The following LRRIQ1 variants were observed in gnomAD, a reference collection of about 807,000 sequenced individuals.
LRRIQ1 encodes the protein leucine rich repeats and IQ motif containing 1, also known as leucine-rich repeat- and IQ domain-containing protein 1.
A neutral mutation model predicts 211.9 loss-of-function variants in LRRIQ1; 210 were observed. The ratio of observed to expected loss-of-function variants is 0.99; its 90% CI spans 0.89 to 1.11. The LOEUF is 1.11. Among genes scored for constraint, LRRIQ1 ranks in the 50% most tolerant of loss-of-function variants. The pLI, the probability that LRRIQ1 is intolerant of heterozygous loss-of-function variation, is 0.00. For synonymous variants in LRRIQ1, 699 were observed against 650.1 expected (o/e 1.08, Z -1.14); for missense variants, 2,136 against 1,939.5 (o/e 1.10, Z -1.90).
chr12:85,070,633 A>T (rs1452754610), intron 10 of LRRIQ1, among the ~76,000 whole-genome samples: 2 of 151,844 alleles, frequency 1.3e-5, no homozygotes, highest in Admixed American at 1.3e-4. Flanking sequence ...CAATATTCTT[A>T]TGAAAATATA....
intron 26 of LRRIQ1, among the ~76,000 whole-genome samples, chr12:85,240,967 A>G (rs1417707105): frequency 6.6e-6 from 1 of 152,134 alleles, no homozygotes; most frequent in Non-Finnish European, 1.5e-5. Context: ...AATACAATAC[A>G]TAATCTATAC....
At chr12:85,199,471 G>GT (rs2137008722) in intron 24 of LRRIQ1, among the ~76,000 whole-genome samples, 1 of 152,178 alleles carries the variant, frequency 6.6e-6, no homozygotes, top group South Asian at 2.1e-4. Flanking sequence ...GTCTGTGTCT[G>GT]TTTTTGTACC....
Position 85,055,702 on chromosome 12 carries a change from T to C in LRRIQ1, c.909T>C (p.Tyr303=). The change falls in exon 8 of 27, where the codon TAT becomes TAC. Residue 303 remains tyrosine (Y), a synonymous_variant. Coordinates refer to ENST00000393217, the MANE Select transcript of LRRIQ1 (RefSeq NM_001079910.2). ...AAGCATTTGTTGCCTATCAAAAATA[T>C]GGCCCAATTATTAAAGAGCAAATTG... ...KYKAFVAYQK[Y]GPIIKEQIES... 6.2e-7 allele frequency: 1 copy of C among 1,608,972 alleles called. No individual in the cohort carries two copies. Among genetic ancestry groups the C allele is most frequent in the Non-Finnish European group, 8.5e-7 (1 of 1,178,306 alleles).
intron 5 of LRRIQ1, among the ~76,000 whole-genome samples, chr12:85,046,966 C>A (rs1879667075): frequency 7.1e-6 from 1 of 141,580 alleles, no homozygotes; most frequent in Non-Finnish European, 1.5e-5. Context: ...AACACTTGGA[C>A]ACAGGAAGGG....
intron 24 of LRRIQ1, among the ~76,000 whole-genome samples, chr12:85,198,599 G>A (rs529414558): frequency 1.4e-5 from 2 of 147,864 alleles, no homozygotes; most frequent in Admixed American, 6.8e-5. Context: ...ACAGAGTCTC[G>A]CTCTGTTTCC....
rs1455768867 is a variant in LRRIQ1 at position 85,222,529 on chromosome 12, G to A, written c.4823-6988G>A. 2.0e-5 allele frequency among the ~76,000 whole-genome samples: 3 copies of A among 152,160 alleles called. No homozygotes were observed. The East Asian group carries it at 5.8e-4, about 29-fold the overall frequency. ...AACTTCAAAAAGTCCCCCAAATTTA[G>A]CATTATGATGCTTTTGATGTGCACA... On this transcript the variant is annotated intron_variant, in intron 24 of 26. Coordinates refer to ENST00000393217, the MANE Select transcript of LRRIQ1 (RefSeq NM_001079910.2).
In LRRIQ1 at chr12:85,106,179, G is replaced by T. The variant is rs144299312; in HGVS notation, c.3284-343G>T. 7.6e-3 allele frequency among the ~76,000 whole-genome samples: 1,154 copies of T among 152,190 alleles called. 19 individuals are homozygous for T. The highest frequency in any genetic ancestry group is 0.026 in the African/African-American group (1,086 of 41,548). ...TTTTAACACTTATCCTATTACTTTA[G>T]ATTTTACTTCTTCAGATTTTGTGCT... On this transcript the variant is annotated intron_variant, in intron 14 of 26. Transcript: ENST00000393217.
intron 8 of LRRIQ1, among the ~76,000 whole-genome samples, 197 bp from the exon 9 acceptor site, chr12:85,065,065 G>A (rs896360822): frequency 1.3e-5 from 2 of 151,780 alleles, no homozygotes; most frequent in Non-Finnish European, 2.9e-5. Flanking sequence ...ATAGATGATT[G>A]CAATATTTTG....
Position 85,244,985 on chromosome 12 carries a change from T to C in LRRIQ1, c.*44T>C, listed in dbSNP as rs1377985778. On this transcript the variant is annotated 3_prime_UTR_variant, in exon 27 of 27. Coordinates refer to ENST00000393217, the MANE Select transcript of LRRIQ1 (RefSeq NM_001079910.2). ...TGGAACCTAATGCCAACAAGCATTC[T>C]TTTTCAGATAGGGGGTAGGATGCCA... The C allele has an allele frequency of 3.1e-6, 5 of 1,593,872 alleles. No individual in the cohort carries two copies. Among genetic ancestry groups the C allele is most frequent in the Non-Finnish European group, 4.3e-6 (5 of 1,168,350 alleles).
At chr12:85,106,469 T>C (rs1886789485) in intron 14 of LRRIQ1, 53 bp from the exon 15 acceptor site, 1 of 1,232,420 alleles carries the variant, frequency 8.1e-7, no homozygotes, top group Non-Finnish European at 1.2e-6. Flanking sequence ...AGATTTATGA[T>C]ATTTGTTCTA....
At chr12:85,182,959 C>T (rs1255890168) in intron 24 of LRRIQ1, among the ~76,000 whole-genome samples, 1 of 152,168 alleles carries the variant, frequency 6.6e-6, no homozygotes, top group Non-Finnish European at 1.5e-5. Flanking sequence ...CAGTTCACAA[C>T]CGCGGCCTCT....
At chr12:85,080,850 T>C (rs868574862) in intron 11 of LRRIQ1, among the ~76,000 whole-genome samples, 21 of 152,124 alleles carry the variant, frequency 1.4e-4, no homozygotes, top group African/African-American at 3.9e-4. Flanking sequence ...TTATTTTTGG[T>C]CACTTAGTGT....
intron 5 of LRRIQ1, among the ~76,000 whole-genome samples, chr12:85,046,736 C>T (rs905157734): frequency 3.9e-5 from 6 of 151,972 alleles, no homozygotes; most frequent in African/African-American, 7.3e-5. Flanking sequence ...ACAATAGCAA[C>T]GACTTGGAAC....
At position 85,072,889 on chromosome 12, in the gene LRRIQ1, T is replaced by A; in HGVS notation, c.2696-18T>A. On this transcript the variant is annotated intron_variant, in intron 10 of 26. Coordinates refer to ENST00000393217, the MANE Select transcript of LRRIQ1 (RefSeq NM_001079910.2). ...ATTCGTCTTATATATTTGGTCTTAA[T>A]TCTGTCATCCTACTCAGGATATTCC... is the stretch of plus-strand genomic sequence containing the variant. The A allele has an allele frequency of 2.5e-6, 4 of 1,578,156 alleles. No homozygotes were observed. In the South Asian group the frequency reaches 4.6e-5, roughly 18 times the overall value.
In LRRIQ1 at chr12:85,056,412, T is replaced by A; in HGVS notation, c.1619T>A (p.Ile540Asn). The A allele has an allele frequency of 6.3e-7, 1 of 1,586,986 alleles. No homozygotes were observed. Among genetic ancestry groups the A allele is most frequent in the Non-Finnish European group, 8.5e-7 (1 of 1,172,896 alleles). ...TCTGATGCACAAAAAGAAGAAAAAA[T>A]CATGAAACATGTCATAAATGAGAAT... ...LKSDAQKEEK[I>N]MKHVINENTG... is the part of the protein sequence containing the mutation. The change falls in exon 8 of 27, where the codon ATC becomes AAC. Residue 540 changes from isoleucine (I) to asparagine (N), a missense_variant. Transcript: ENST00000393217.
At chr12:85,235,712 G>A (rs1895144304) in intron 26 of LRRIQ1, among the ~76,000 whole-genome samples, 1 of 152,136 alleles carries the variant, frequency 6.6e-6, no homozygotes, top group Non-Finnish European at 1.5e-5. Context: ...ATCAAGGCAA[G>A]TTTAGTATTC....
intron 24 of LRRIQ1, among the ~76,000 whole-genome samples, chr12:85,217,760 TA>T (rs1894223237): frequency 8.8e-6 from 1 of 113,962 alleles, no homozygotes; most frequent in Non-Finnish European, 1.6e-5. Flanking sequence ...TGTATATATA[TA>T]AAATGTGTGT....
chr12:85,269,403 C>G (rs1421350499), downstream of LRRIQ1, among the ~76,000 whole-genome samples: 1 of 151,800 alleles, frequency 6.6e-6, no homozygotes, highest in Non-Finnish European at 1.5e-5. Flanking sequence ...AAATATGAAG[C>G]GATAACAATC....
intron 24 of LRRIQ1, among the ~76,000 whole-genome samples, chr12:85,225,177 A>T (rs577694461): frequency 2.6e-5 from 4 of 152,222 alleles, no homozygotes; most frequent in African/African-American, 9.6e-5. Flanking sequence ...ATAACAGTTT[A>T]TATTATATTG....
Sources: allele counts gnomAD v4.1 joint callset (sites outside exome capture counted in the v4.1 genomes callset), GRCh38; gene constraint gnomAD v4.1.1; transcripts MANE v1.5; gene names NCBI Gene and HGNC (gene_info 2026-07-23, HGNC 2026-07-21).